The following SORBS2 variants were observed in gnomAD, a reference collection of about 807,000 sequenced individuals.
SORBS2 encodes the protein sorbin and SH3 domain containing 2, also known as sorbin and SH3 domain-containing protein 2.
Under a neutral mutation model 97.7 loss-of-function variants are expected in SORBS2, and 46 were observed. That is an observed-to-expected ratio of 0.47 (90% confidence interval 0.37 to 0.60). The LOEUF is 0.60. SORBS2 is among the 20% of genes least tolerant of loss of function. SORBS2 has a pLI of 0.00. For missense variants in SORBS2, 1,316 were observed against 1,282.3 expected, an observed-to-expected ratio of 1.03 and a Z score of -0.40; for synonymous variants, 476 against 473.4, an observed-to-expected ratio of 1.01 and a Z score of -0.07.
At chr4:185,712,303 A>G (rs7690098) in intron 2 of SORBS2, among the ~76,000 whole-genome samples, 112,127 of 152,030 alleles carry the variant, frequency 0.74, 42,587 homozygotes, top group Non-Finnish European at 0.84. Context: ...AACTTCGGAG[A>G]AGAATCCAGC....
At chr4:185,758,410 T>A (rs973355895) in intron 2 of SORBS2, among the ~76,000 whole-genome samples, 1 of 152,186 alleles carries the variant, frequency 6.6e-6, no homozygotes, top group African/African-American at 2.4e-5. Flanking sequence ...TCCCTGGGCA[T>A]GCCTTCTCAG....
intron 4 of SORBS2, chr4:185,677,453 T>C (rs1017144930): frequency 3.2e-6 from 5 of 1,552,158 alleles, no homozygotes; most frequent in Non-Finnish European, 3.5e-6. Context: ...CTTCAGAATA[T>C]ACAATTGTCT....
chr4:185,761,222 T>C (rs1560849380), intron 2 of SORBS2, among the ~76,000 whole-genome samples: 1 of 152,242 alleles, frequency 6.6e-6, no homozygotes, highest in East Asian at 1.9e-4. Context: ...TCAGAGATTT[T>C]ACTTCAATAT....
chr4:185,866,108 T>C (rs759211152), intron 1 of SORBS2, among the ~76,000 whole-genome samples: 3 of 152,238 alleles, frequency 2.0e-5, no homozygotes, highest in Non-Finnish European at 4.4e-5. Context: ...GTTTTCTAAT[T>C]CTTGCATTGG....
At position 185,890,860 on chromosome 4, in the gene SORBS2, C is replaced by T. The variant is rs558547734; in HGVS notation, c.-338+65336G>A. 2.6e-5 allele frequency among the ~76,000 whole-genome samples: 4 copies of T among 152,188 alleles called. No homozygotes were observed. In the East Asian group the frequency reaches 7.7e-4, roughly 29 times the overall value. ...GTTTTCTGCCTTGCTAGAAAACAGG[C>T]TTTTTAAGGGTAGGACAAAACTATA... On this transcript the variant is annotated intron_variant, in intron 1 of 20. Transcript: ENST00000284776.
rs375870025 is a variant in SORBS2 at position 185,623,533 on chromosome 4, G to A, written c.1596C>T (p.Ser532=). Residue 532 remains serine, a synonymous_variant, in exon 7 of 15, where the codon TCC becomes TCT. Transcript: ENST00000418609. The surrounding 1 kb of genome is among the most constrained non-coding windows in gnomAD (Gnocchi z 6.4). ...CGTAAAAGCTTTCGGAGGATGTGAA[G>A]GAAAAGTGATCAAAGTCACTTTCAC... The A allele has an allele frequency of 3.2e-5, 52 of 1,613,936 alleles. No individual in the cohort carries two copies. Among genetic ancestry groups the A allele is most frequent in the Non-Finnish European group, 4.3e-5 (51 of 1,180,020 alleles).
chr4:185,948,514 T>TTA, intron 1 of SORBS2, among the ~76,000 whole-genome samples: 1 of 141,326 alleles, frequency 7.1e-6, no homozygotes, highest in South Asian at 2.4e-4. Flanking sequence ...ATTTCAATTT[T>TTA]TTTTTTTTTT....
intron 1 of SORBS2, among the ~76,000 whole-genome samples, chr4:185,834,027 T>A (rs1206327891): frequency 6.6e-6 from 1 of 152,218 alleles, no homozygotes; most frequent in African/African-American, 2.4e-5. Flanking sequence ...TGCCAATTAA[T>A]AGATATCCAG....
At chr4:185,608,528 C>T (rs1170855677) in intron 12 of SORBS2, among the ~76,000 whole-genome samples, 3 of 151,964 alleles carry the variant, frequency 2.0e-5, no homozygotes, top group Non-Finnish European at 2.9e-5. Flanking sequence ...CTTCTACATA[C>T]GTAGTATTAC....
At chr4:185,688,397 G>GAT (rs897130890) in intron 2 of SORBS2, among the ~76,000 whole-genome samples, 92 of 150,982 alleles carry the variant, frequency 6.1e-4, no homozygotes, top group Admixed American at 8.0e-4. Flanking sequence ...AATGAATATT[G>GAT]ATATATATAT....
At chr4:185,731,790 CCCTG>C (rs1328732325) in intron 2 of SORBS2, among the ~76,000 whole-genome samples, 1 of 125,438 alleles carries the variant, frequency 8.0e-6, no homozygotes, top group South Asian at 3.2e-4. Context: ...CTCTCTTCCT[CCCTG>C]CCTATCTCTT....
At chr4:185,763,722 T>G (rs1265918380) in intron 2 of SORBS2, among the ~76,000 whole-genome samples, 1 of 152,228 alleles carries the variant, frequency 6.6e-6, no homozygotes, top group Non-Finnish European at 1.5e-5. Context: ...TTTCTTTGAA[T>G]TTAATGATTT....
chr4:185,947,282 C>T (rs2099274988), intron 1 of SORBS2, among the ~76,000 whole-genome samples: 1 of 152,204 alleles, frequency 6.6e-6, no homozygotes, highest in African/African-American at 2.4e-5. Context: ...TCTCACAATC[C>T]TCAATGAGTT....
chr4:185,591,146 C>G (rs879374802), intron 13 of SORBS2, among the ~76,000 whole-genome samples: 5 of 152,214 alleles, frequency 3.3e-5, no homozygotes, highest in Non-Finnish European at 4.4e-5. Flanking sequence ...GGCTTCCCCC[C>G]GTTCATCCAG....
chr4:185,952,043 T>TGA (rs1579649918), intron 1 of SORBS2, among the ~76,000 whole-genome samples: 41 of 125,774 alleles, frequency 3.3e-4, no homozygotes, highest in Non-Finnish European at 4.9e-4. Flanking sequence ...TTTTTTTTTT[T>TGA]TTGATAGAGT....
At chr4:185,586,141 A>G (rs1324179155) in exon 15 of SORBS2, 1 of 44,316 alleles carries the variant, frequency 2.3e-5, no homozygotes, top group Non-Finnish European at 7.0e-5. Flanking sequence ...TTGTGAAAAG[A>G]TCAATATCAC....
In SORBS2 at chr4:185,655,789, A is replaced by G. The variant is rs116187867; in HGVS notation, c.24+826T>C. Among the ~76,000 whole-genome samples the G allele has an allele frequency of 2.1e-3, 325 of 152,324 alleles. 1 individual carries two copies. Among genetic ancestry groups the G allele is most frequent in the African/African-American group, 7.5e-3 (311 of 41,574 alleles). On this transcript the variant is annotated intron_variant, in intron 1 of 14. Coordinates refer to ENST00000418609, the Ensembl canonical transcript of SORBS2. Reference sequence around the variant, plus strand: ...GAAACTAACCAGGCAAAGTCTGGTTAGTTAAGGAAATTATGTCTTATAAAG... The same window carrying G: ...GAAACTAACCAGGCAAAGTCTGGTTGGTTAAGGAAATTATGTCTTATAAAG...
chr4:185,948,326 G>T (rs1360958544), intron 1 of SORBS2, among the ~76,000 whole-genome samples: 1 of 151,758 alleles, frequency 6.6e-6, no homozygotes, highest in Non-Finnish European at 1.5e-5. Context: ...TAAAATATTG[G>T]CCATCTCAGG....
intron 2 of SORBS2, among the ~76,000 whole-genome samples, chr4:185,716,750 A>T (rs1288403835): frequency 2.0e-5 from 3 of 152,096 alleles, no homozygotes; most frequent in Non-Finnish European, 2.9e-5. Flanking sequence ...AGCTCCCTGG[A>T]TTGAGTGGGA....
Sources: allele counts gnomAD v4.1 joint callset (sites outside exome capture counted in the v4.1 genomes callset), GRCh38; gene constraint gnomAD v4.1.1; non-coding constraint Gnocchi (gnomAD v3.1); transcripts MANE v1.5; gene names NCBI Gene and HGNC (gene_info 2026-07-23, HGNC 2026-07-21).